DPYSL2: variants seen among roughly 807,000 people sequenced by gnomAD.
DPYSL2 encodes dihydropyrimidinase-related protein 2.
In DPYSL2, 13 loss-of-function variants were observed where a neutral mutation model predicts 69.9. The observed-to-expected ratio is 0.19, with a 90% CI of 0.12 to 0.30. The LOEUF (loss-of-function observed/expected upper bound fraction) is 0.30. DPYSL2 is among the 10% of genes least tolerant of loss of function. The pLI is 1.00. For synonymous variants in DPYSL2, 326 were observed against 359.1 expected, an observed-to-expected ratio of 0.91 and a Z score of 1.04; for missense variants, 587 against 918.9, an observed-to-expected ratio of 0.64 and a Z score of 4.67.
In DPYSL2 at chr8:26,620,936, A is replaced by G. The variant is rs1049735825; in HGVS notation, c.629-3207A>G. On this transcript the variant is annotated intron_variant, in intron 3 of 13. Coordinates refer to ENST00000521913, the MANE Select transcript of DPYSL2 (RefSeq NM_001197293.3). This position sits in a 1 kb window ranked among gnomAD's most constrained non-coding sequence, Gnocchi z 4.5. ...TGTACACACTTGCATCCACATCTAC[A>G]TACACATATTTTACATACACATATA... Among the ~76,000 whole-genome samples the G allele has an allele frequency of 2.6e-5, 4 of 152,242 alleles. No individual in the cohort carries two copies. The highest frequency in any genetic ancestry group is 1.3e-4 in the Admixed American group (2 of 15,284).
At chr8:26,546,965 C>A (rs1800782069) in intron 1 of DPYSL2, among the ~76,000 whole-genome samples, 1 of 144,944 alleles carries the variant, frequency 6.9e-6, no homozygotes, top group African/African-American at 2.6e-5. Flanking sequence ...AAGAAAAATC[C>A]TGCAGAAACT....
intron 1 of DPYSL2, among the ~76,000 whole-genome samples, chr8:26,538,944 G>A (rs1800638113): frequency 6.6e-6 from 1 of 152,162 alleles, no homozygotes; most frequent in East Asian, 1.9e-4. Flanking sequence ...TGGCCACTAA[G>A]GACCACTATA....
In DPYSL2 at chr8:26,627,136, T is replaced by A. The variant is rs910978591; in HGVS notation, c.856-79T>A. On this transcript the variant is annotated intron_variant, in intron 5 of 13. Coordinates refer to ENST00000521913, the MANE Select transcript of DPYSL2 (RefSeq NM_001197293.3). The surrounding 1 kb of genome is among the most constrained non-coding windows in gnomAD (Gnocchi z 6.9). ...TCCTGTTTCTCATCCCAGAAATGCC[T>A]CTGGTGGGGAGATGATTGTCTTTGT... 1.1e-4 allele frequency: 149 copies of A among 1,363,242 alleles called. No homozygotes were observed. The highest frequency in any genetic ancestry group is 2.2e-5 in the Non-Finnish European group (21 of 956,302). 84.4% of individuals were successfully genotyped at this position (1,363,242 alleles called of 1,614,324 possible).
At position 26,614,792 on chromosome 8, in the gene DPYSL2, C is replaced by T. The variant is rs17055516; in HGVS notation, c.629-9351C>T. On this transcript the variant is annotated intron_variant, in intron 3 of 13. Transcript: ENST00000521913. This position sits in a 1 kb window ranked among gnomAD's most constrained non-coding sequence, Gnocchi z 4.9. ...AGGGCTACTCAAGTGCCTGAAGGTC[C>T]GAGCAGTGAAGAACATGTTTCCATA... is the stretch of plus-strand genomic sequence containing the variant. Among the ~76,000 whole-genome samples the T allele has an allele frequency of 0.33, 50,428 of 152,094 alleles. 8,559 individuals are homozygous for T. The highest frequency in any genetic ancestry group is 0.43 in the South Asian group (2,049 of 4,816).
At position 26,586,173 on chromosome 8, in the gene DPYSL2, C is replaced by T. The variant is rs1003968471; in HGVS notation, c.628+2190C>T. ...TCTATCATTGGAGAGGGAAATGCCC[C>T]CAGCCAGGAGTTAGGAGTCTGGAGT... On this transcript the variant is annotated intron_variant, in intron 3 of 13. Transcript: ENST00000521913. This position sits in a 1 kb window ranked among gnomAD's most constrained non-coding sequence, Gnocchi z 4.7. Among the ~76,000 whole-genome samples the T allele has an allele frequency of 1.3e-5, 2 of 152,154 alleles. No individual in the cohort carries two copies. The highest frequency in any genetic ancestry group is 6.5e-5 in the Admixed American group (1 of 15,274).
In DPYSL2 at chr8:26,627,406, C is replaced by G. The variant is rs1802643689; in HGVS notation, c.936+111C>G. The stretch of plus-strand genomic sequence containing the variant: ...ACACCAAGGTGGAAAAGCAGAGGGA[C>G]CTGGTGTTCCCTTGCTGGAGCTCTG... On this transcript the variant is annotated intron_variant, in intron 6 of 13. Transcript: ENST00000521913. This position sits in a 1 kb window ranked among gnomAD's most constrained non-coding sequence, Gnocchi z 6.9. 1 of 1,093,796 alleles carries G rather than the reference C, an allele frequency of 9.1e-7. No homozygotes were observed. The highest frequency in any genetic ancestry group is 2.0e-5 in the Admixed American group (1 of 50,878). The allele number at this position is 1,093,796 out of a possible 1,614,324, so 67.8% of individuals were successfully genotyped here. A position where few individuals can be genotyped will look rare whatever the true frequency, so the allele number is the denominator to read the frequency against.
chr8:26,635,706 T>G (rs938520592), intron 8 of DPYSL2, among the ~76,000 whole-genome samples: 1 of 152,286 alleles, frequency 6.6e-6, no homozygotes, highest in Admixed American at 6.5e-5. Flanking sequence ...CTTTCTCCCT[T>G]TTATGTTCCC....
At chr8:26,630,101 CATACACAT>C (rs776584942) in intron 7 of DPYSL2, among the ~76,000 whole-genome samples, 1 of 152,210 alleles carries the variant, frequency 6.6e-6, no homozygotes, top group Non-Finnish European at 1.5e-5. Flanking sequence ...CGTATTTTCA[CATACACAT>C]ATACACATGT....
At chr8:26,655,125 A>G (rs1409309851) in intron 13 of DPYSL2, among the ~76,000 whole-genome samples, 1 of 151,744 alleles carries the variant, frequency 6.6e-6, no homozygotes, top group Non-Finnish European at 1.5e-5. Context: ...TGTTAGTAGG[A>G]TTCCAGGCAT....
rs574421808 is a variant in DPYSL2 at position 26,597,634 on chromosome 8, C to T, written c.628+13651C>T. ...GGACTACAGGCGCCCGCCACCACGCCCAACTAATATTTTGTATTTTTAGTA... is the reference window on the plus strand; with the variant it reads ...GGACTACAGGCGCCCGCCACCACGCTCAACTAATATTTTGTATTTTTAGTA... On this transcript the variant is annotated intron_variant, in intron 3 of 13. Coordinates refer to ENST00000521913, the MANE Select transcript of DPYSL2 (RefSeq NM_001197293.3). The surrounding 1 kb of genome is among the most constrained non-coding windows in gnomAD (Gnocchi z 5.2). 2.6e-5 allele frequency among the ~76,000 whole-genome samples: 4 copies of T among 152,148 alleles called. No homozygotes were observed. The East Asian group carries it at 7.7e-4, about 29-fold the overall frequency.
intron 3 of DPYSL2, among the ~76,000 whole-genome samples, chr8:26,600,274 G>A (rs929688576): frequency 1.2e-4 from 18 of 152,166 alleles, no homozygotes; most frequent in African/African-American, 3.1e-4. Context: ...GGTATATACC[G>A]AGGAGTGGAA....
rs753676764 is a variant in DPYSL2, at chr8:26,627,869, C to T, written c.937-3C>T. ...ACAGCCTGACTTTCTCTAAACATTGCAGGAGCAGCAGAGGATCCTGGATCT... is the reference window on the plus strand; with the variant it reads ...ACAGCCTGACTTTCTCTAAACATTGTAGGAGCAGCAGAGGATCCTGGATCT... On this transcript the variant is annotated splice_polypyrimidine_tract_variant and splice_region_variant and intron_variant, in intron 6 of 13. Coordinates refer to ENST00000521913, the MANE Select transcript of DPYSL2 (RefSeq NM_001197293.3). The surrounding 1 kb of genome is among the most constrained non-coding windows in gnomAD (Gnocchi z 6.9). The T allele has an allele frequency of 4.3e-6, 7 of 1,613,496 alleles. No homozygotes were observed. Among genetic ancestry groups the T allele is most frequent in the East Asian group, 2.2e-5 (1 of 44,866 alleles).
chr8:26,581,061 G>T (rs1184687376), intron 1 of DPYSL2, among the ~76,000 whole-genome samples: 6 of 152,174 alleles, frequency 3.9e-5, no homozygotes, highest in African/African-American at 1.2e-4. Context: ...ATTCGTGGGA[G>T]TTTACCTTTT....
chr8:26,572,325 C>T (rs73678813), intron 1 of DPYSL2, among the ~76,000 whole-genome samples: 3,711 of 152,232 alleles, frequency 0.024, 137 homozygotes, highest in African/African-American at 0.083. Flanking sequence ...CACAGCCGCC[C>T]GAGGCACTGG....
intron 7 of DPYSL2, 61 bp downstream of exon 7, chr8:26,628,001 A>G: frequency 1.1e-5 from 17 of 1,538,156 alleles, no homozygotes; most frequent in Admixed American, 1.8e-5. Context: ...GCAGAGCCTC[A>G]GGGAACCTGC....
chr8:26,528,503 T>C (rs1808521605), intron 1 of DPYSL2, among the ~76,000 whole-genome samples: 1 of 151,792 alleles, frequency 6.6e-6, no homozygotes, highest in African/African-American at 2.4e-5. Context: ...AAAAATTAGC[T>C]GGGCATGGTG....
At chr8:26,638,739 C>T (rs1481326213) in intron 8 of DPYSL2, among the ~76,000 whole-genome samples, 3 of 152,218 alleles carry the variant, frequency 2.0e-5, no homozygotes, top group Admixed American at 6.5e-5. Context: ...TTAATAGGCT[C>T]ATTTCATGGA....
rs962715196 is a variant in DPYSL2, at chr8:26,652,651, T to C, written c.1776+215T>C. Among the ~76,000 whole-genome samples, 1 of 152,036 alleles carries C rather than the reference T, an allele frequency of 6.6e-6. No individual in the cohort carries two copies. Among genetic ancestry groups the C allele is most frequent in the Non-Finnish European group, 1.5e-5 (1 of 68,010 alleles). Reference sequence around the variant, plus strand: ...GCCCTAGCAAAGTGAGATCATGGTATATGCTATGATAAGGAGTGTGGAGTA... The same window carrying C: ...GCCCTAGCAAAGTGAGATCATGGTACATGCTATGATAAGGAGTGTGGAGTA... On this transcript the variant is annotated intron_variant, in intron 12 of 13. Coordinates refer to ENST00000521913, the MANE Select transcript of DPYSL2 (RefSeq NM_001197293.3). The surrounding 1 kb of genome is among the most constrained non-coding windows in gnomAD (Gnocchi z 6.3).
Position 26,573,666 on chromosome 8 carries a change from CAAA to C in DPYSL2, c.355-8284_355-8282del, listed in dbSNP as rs11437407. Among the ~76,000 whole-genome samples, 198 of 95,102 alleles carry C rather than the reference CAAA, an allele frequency of 2.1e-3. 9 individuals carry two copies. In the South Asian group the frequency reaches 0.063, roughly 30 times the overall value. The allele number at this position is 95,102 out of a possible 152,430, so 62.4% of individuals were successfully genotyped here. ...CTGGGGCAACAGAGCAAGACTGTCT[CAAA>C]AAAAAAAAAAAAAAAAAATTACCTG... On this transcript the variant is annotated intron_variant, in intron 1 of 13. Coordinates refer to ENST00000521913, the MANE Select transcript of DPYSL2 (RefSeq NM_001197293.3).
Sources: gnomAD v4.1 joint callset for allele counts (sites outside exome capture counted in the v4.1 genomes callset) on GRCh38, gnomAD v4.1.1 for gene constraint, Gnocchi (gnomAD v3.1) non-coding constraint, MANE v1.5 for transcripts, NCBI Gene and HGNC (gene_info 2026-07-23, HGNC 2026-07-21) for gene names.